The following SUGP2 variants were observed in gnomAD, a reference collection of about 807,000 sequenced individuals.
The protein encoded by SUGP2 is SURP and G-patch domain containing 2, also known as SURP and G-patch domain-containing protein 2.
Under a neutral mutation model 90.5 loss-of-function variants are expected in SUGP2, and 24 were observed. The ratio of observed to expected loss-of-function variants is 0.27; its 90% CI spans 0.19 to 0.37. SUGP2 has a LOEUF of 0.37. Ranked by LOEUF, SUGP2 falls within the 10% of genes least tolerant of loss-of-function variation. SUGP2 has a pLI of 1.00. For missense variants in SUGP2, 1,233 were observed against 1,363.3 expected, an observed-to-expected ratio of 0.90 and a Z score of 1.51; for synonymous variants, 473 against 513.4, an observed-to-expected ratio of 0.92 and a Z score of 1.06.
chr19:19,001,237 G>C lies in SUGP2; in HGVS notation c.2991+376C>G, dbSNP rs555793674. On this transcript the variant is annotated intron_variant, in intron 8 of 10. Transcript: ENST00000452918. The stretch of plus-strand genomic sequence containing the variant: ...TCATCGTGTTAGCCAGGATGGTCTC[G>C]ATCTCCTGACCTTGTGATCCACCCG... Among the ~76,000 whole-genome samples the C allele has an allele frequency of 1.2e-4, 19 of 152,084 alleles. No individual in the cohort carries two copies. The East Asian group carries it at 3.1e-3, about 25-fold the overall frequency.
chr19:19,023,086 C>T (rs1052620859), intron 3 of SUGP2, among the ~76,000 whole-genome samples: 6 of 152,122 alleles, frequency 3.9e-5, no homozygotes, highest in Non-Finnish European at 5.9e-5. Context: ...TTGGCCTTTT[C>T]CTCTCCCCAG....
chr19:19,019,848 G>GA lies in SUGP2; in HGVS notation c.1730-620dup, dbSNP rs1459358891. Among the ~76,000 whole-genome samples the GA allele has an allele frequency of 6.8e-3, 789 of 116,858 alleles. 7 individuals carry two copies. Among genetic ancestry groups the GA allele is most frequent in the Middle Eastern group, 0.033 (7 of 210 alleles). 76.7% of individuals were successfully genotyped at this position (116,858 alleles called of 152,430 possible). ...ATTTTCTCCAATTAAAAAAAAAAAAGAAAAAAAAAAAAGGTCAGCCGGGCA... is the reference window on the plus strand; with the variant it reads ...ATTTTCTCCAATTAAAAAAAAAAAAGAAAAAAAAAAAAAGGTCAGCCGGGCA... On this transcript the variant is annotated intron_variant, in intron 3 of 10. Transcript: ENST00000452918.
intron 8 of SUGP2, 73 bp downstream of exon 8, chr19:19,001,540 C>T: frequency 5.6e-6 from 8 of 1,424,662 alleles, no homozygotes; most frequent in East Asian, 2.3e-5. Flanking sequence ...TCACAAGCTG[C>T]AGCATCCTTT....
At chr19:19,004,922 T>C (rs1366450161) in intron 6 of SUGP2, among the ~76,000 whole-genome samples, 3 of 152,092 alleles carry the variant, frequency 2.0e-5, no homozygotes, top group Non-Finnish European at 4.4e-5. Flanking sequence ...CTTGGGAAAA[T>C]GCTGGAATAG....
intron 8 of SUGP2, 117 bp from the exon 9 acceptor site, chr19:18,995,397 G>A (rs2145233993): frequency 8.3e-7 from 1 of 1,207,222 alleles, no homozygotes; most frequent in South Asian, 1.7e-5. Flanking sequence ...CTCCCCAGAT[G>A]CTCAGGCTCA....
At chr19:19,016,118 C>T (rs770145853) in intron 4 of SUGP2, among the ~76,000 whole-genome samples, 5 of 152,126 alleles carry the variant, frequency 3.3e-5, no homozygotes, top group Non-Finnish European at 5.9e-5. Context: ...TTTCATGATA[C>T]TGGTTTACCT....
rs996009785 is a variant in SUGP2 at position 19,018,712 on chromosome 19, G to A, written c.1850+397C>T. Among the ~76,000 whole-genome samples the A allele has an allele frequency of 6.9e-4, 95 of 137,048 alleles. 2 individuals are homozygous for A. The highest frequency in any genetic ancestry group is 6.6e-4 in the Admixed American group (9 of 13,642). 89.9% of individuals were successfully genotyped at this position (137,048 alleles called of 152,430 possible). A position where few individuals can be genotyped will look rare whatever the true frequency, so the allele number is the denominator to read the frequency against. On this transcript the variant is annotated intron_variant, in intron 4 of 10. Transcript: ENST00000452918. Reference sequence around the variant, plus strand: ...AAAAAAAAAAAAAAAAAAAAAAGTTGTTCTATTTACATAAAGAGGCAATTA... The same window carrying A: ...AAAAAAAAAAAAAAAAAAAAAAGTTATTCTATTTACATAAAGAGGCAATTA...
chr19:19,010,386 A>C (rs1005426113), intron 4 of SUGP2, 44 bp from the exon 5 acceptor site: 12 of 1,583,614 alleles, frequency 7.6e-6, no homozygotes, highest in Non-Finnish European at 1.0e-5. Flanking sequence ...TGAAAACACC[A>C]CCAGGTCCCA....
chr19:19,000,273 C>T (rs1179667783), intron 8 of SUGP2, among the ~76,000 whole-genome samples: 3 of 152,278 alleles, frequency 2.0e-5, no homozygotes, highest in East Asian at 3.8e-4. Flanking sequence ...CTTGTGCCAA[C>T]GTCATCTGCA....
chr19:19,005,880 CA>C (rs879757720), intron 6 of SUGP2, among the ~76,000 whole-genome samples: 5,119 of 28,086 alleles, frequency 0.18, 261 homozygotes, highest in East Asian at 0.44. Context: ...CACACACACA[CA>C]CACACACACA....
At chr19:19,018,367 T>C (rs907545189) in intron 4 of SUGP2, among the ~76,000 whole-genome samples, 9 of 150,414 alleles carry the variant, frequency 6.0e-5, no homozygotes, top group African/African-American at 2.2e-4. Flanking sequence ...AAGAAAGTAC[T>C]ATATTTAGGA....
At chr19:19,032,596 C>A (rs1446240248) in intron 1 of SUGP2, among the ~76,000 whole-genome samples, 1 of 152,096 alleles carries the variant, frequency 6.6e-6, no homozygotes, top group Non-Finnish European at 1.5e-5. Context: ...ACAGTTCATT[C>A]TGCGCTGGGT....
intron 8 of SUGP2, 143 bp from the exon 9 acceptor site, chr19:18,995,423 C>T (rs1398597137): frequency 3.0e-6 from 3 of 992,436 alleles, no homozygotes; most frequent in Non-Finnish European, 4.2e-6. Flanking sequence ...CAGTCACTTC[C>T]CCAGTTCTCT....
chr19:19,005,860 C>T (rs928345514), intron 6 of SUGP2, among the ~76,000 whole-genome samples: 49 of 5,084 alleles, frequency 9.6e-3, no homozygotes, highest in Admixed American at 0.019. Flanking sequence ...CACACACACA[C>T]ACACACACAC....
intron 4 of SUGP2, among the ~76,000 whole-genome samples, chr19:19,014,089 GT>G (rs551212497): frequency 6.6e-6 from 1 of 152,294 alleles, no homozygotes; most frequent in South Asian, 2.1e-4. Flanking sequence ...TGCCTCCTGG[GT>G]TCAAGTGATT....
In SUGP2 at chr19:19,024,674, C is replaced by A. The variant is rs1183063367; in HGVS notation, c.1674G>T (p.Met558Ile). ...GAATTTCAGGTTTCGTAGGAGGAAT[C>A]ATTTTCTCCTCCTCTCGCATCGGCT... ...EPEPMREEEK[M>I]IPPTKPEIQA... is the part of the protein sequence containing the mutation. Residue 558 changes from methionine (M) to isoleucine (I), a missense_variant, in exon 3 of 11, where the codon ATG becomes ATT. By Grantham distance (10) the Met-to-Ile change is conservative (BLOSUM62 1). Transcript: ENST00000452918. 6.2e-7 allele frequency: 1 copy of A among 1,614,074 alleles called. No homozygotes were observed. Among genetic ancestry groups the A allele is most frequent in the African/African-American group, 1.3e-5 (1 of 74,932 alleles).
rs370648847 is a variant in SUGP2 at position 19,004,291 on chromosome 19, C to T, written c.2806G>A (p.Ala936Thr). The T allele has an allele frequency of 9.3e-6, 15 of 1,613,794 alleles. No individual in the cohort carries two copies. The African/African-American group carries it at 1.7e-4, about 19-fold the overall frequency. Residue 936 changes from alanine to threonine, a missense_variant, in exon 7 of 11, where the codon GCA (alanine) becomes ACA (threonine). Ala to Thr is a moderately conservative substitution (Grantham distance 58). Coordinates refer to ENST00000452918, the MANE Select transcript of SUGP2 (RefSeq NM_001017392.5). Reference protein sequence around the residue: ...GEAAEDDLAGAPALSQASSGT... With the variant: ...GEAAEDDLAGTPALSQASSGT... Reference sequence around the variant, plus strand: ...GAGGAGGCCTGTGACAAGGCAGGTGCTCCAGCCAGGTCGTCCTCGGCAGCC... The same window carrying T: ...GAGGAGGCCTGTGACAAGGCAGGTGTTCCAGCCAGGTCGTCCTCGGCAGCC...
intron 4 of SUGP2, among the ~76,000 whole-genome samples, chr19:19,011,597 C>T (rs940478745): frequency 6.6e-6 from 1 of 152,212 alleles, no homozygotes; most frequent in Non-Finnish European, 1.5e-5. Context: ...TATTCAGAAA[C>T]ATGTTTTATT....
At chr19:19,002,137 T>C (rs1419818798) in intron 7 of SUGP2, among the ~76,000 whole-genome samples, 1 of 152,192 alleles carries the variant, frequency 6.6e-6, no homozygotes, top group African/African-American at 2.4e-5. Flanking sequence ...CCCATCACTT[T>C]GGGAGGCCGA....
Sources: gnomAD v4.1 joint callset for allele counts (sites outside exome capture counted in the v4.1 genomes callset) on GRCh38, gnomAD v4.1.1 for gene constraint, MANE v1.5 for transcripts, NCBI Gene and HGNC (gene_info 2026-07-23, HGNC 2026-07-21) for gene names.